Variants in ATP2B1 observed in about 807,000 individuals in gnomAD.
ATP2B1 encodes the protein ATPase plasma membrane Ca2+ transporting 1, also known as plasma membrane calcium-transporting ATPase 1.
ATP2B1 carries 14 observed loss-of-function variants against 124.2 expected under a neutral mutation model. That is an observed-to-expected ratio of 0.11 (90% CI 0.07 to 0.18). ATP2B1 has a LOEUF of 0.18. Among genes scored for constraint, ATP2B1 ranks in the 10% least tolerant of loss-of-function variants. The pLI is 1.00. For synonymous variants in ATP2B1, 449 were observed against 492.4 expected, an observed-to-expected ratio of 0.91 and a Z score of 1.17; for missense variants, 763 against 1,466.1, an observed-to-expected ratio of 0.52 and a Z score of 7.83.
At position 89,616,834 on chromosome 12, in the gene ATP2B1, C is replaced by G; in HGVS notation, c.2035G>C (p.Val679Leu). ...DIVTGLTCIA[V>L]VGIEDPVRPE... is the part of the protein sequence containing the mutation. Reference sequence around the variant, plus strand: ...CTCACAGGATCTTCAATCCCCACAACAGCAATGCATGTAAGGCCGGTGACA... The same window carrying G: ...CTCACAGGATCTTCAATCCCCACAAGAGCAATGCATGTAAGGCCGGTGACA... The change falls in exon 12 of 21, where the codon GTT becomes CTT. Residue 679 changes from valine (V) to leucine (L), a missense_variant. By Grantham distance (32) the Val-to-Leu change is conservative. This residue lies in a region of ATP2B1 where 392 missense variants were observed against 776.6 expected (regional missense o/e 0.50). Coordinates refer to ENST00000428670, the MANE Select transcript of ATP2B1 (RefSeq NM_001366521.1). 6.2e-7 allele frequency: 1 copy of G among 1,614,002 alleles called. No individual in the cohort carries two copies. Among genetic ancestry groups the G allele is most frequent in the Non-Finnish European group, 8.5e-7 (1 of 1,179,886 alleles).
chr12:89,624,804 T>C (rs1277841585), intron 8 of ATP2B1, among the ~76,000 whole-genome samples: 1 of 152,166 alleles, frequency 6.6e-6, no homozygotes, highest in African/African-American at 2.4e-5. Context: ...GACCTCGAAT[T>C]AAATACTCAA....
intron 2 of ATP2B1, among the ~76,000 whole-genome samples, chr12:89,643,198 A>G (rs956846182): frequency 1.5e-4 from 23 of 150,696 alleles, no homozygotes; most frequent in Admixed American, 4.0e-4. Context: ...ATATATGTAT[A>G]TATGTGTGTA....
intron 20 of ATP2B1, 64 bp from the exon 21 acceptor site, chr12:89,591,359 T>C (rs1873526419): frequency 7.0e-7 from 1 of 1,435,460 alleles, no homozygotes; most frequent in East Asian, 2.3e-5. Flanking sequence ...AATGGTTCAT[T>C]TATGAGTTTG....
intron 3 of ATP2B1, among the ~76,000 whole-genome samples, chr12:89,637,154 C>T (rs1358109039): frequency 1.3e-5 from 2 of 152,124 alleles, no homozygotes; most frequent in Non-Finnish European, 2.9e-5. Context: ...TACTTTATAA[C>T]AGCATATAAA....
chr12:89,656,740 A>G (rs1048572553), intron 1 of ATP2B1, among the ~76,000 whole-genome samples: 1 of 152,192 alleles, frequency 6.6e-6, no homozygotes, highest in Non-Finnish European at 1.5e-5. Context: ...GATTTGTCAC[A>G]TGTTACCACC....
chr12:89,696,144 A>AT, intron 1 of ATP2B1, among the ~76,000 whole-genome samples: 1 of 152,234 alleles, frequency 6.6e-6, no homozygotes, highest in Non-Finnish European at 1.5e-5. Flanking sequence ...GAACAACAAA[A>AT]TATGAATTCT....
At chr12:89,611,876 A>T (rs1234385101) in intron 12 of ATP2B1, 5 of 152,278 alleles carry the variant, frequency 3.3e-5, no homozygotes, top group Admixed American at 6.6e-5. Context: ...TCCTGCCCCT[A>T]CCTCACTGTA....
chr12:89,621,926 T>A, intron 9 of ATP2B1, 135 bp from the exon 10 acceptor site: 1 of 962,462 alleles, frequency 1.0e-6, no homozygotes, highest in Non-Finnish European at 1.4e-6. Context: ...AAAGTACCAA[T>A]GTAATACTGA....
At position 89,664,537 on chromosome 12, in the gene ATP2B1, A is replaced by G. The variant is rs377387869; in HGVS notation, c.-221-8430T>C. ...AAAAACAATCCCTCTGAATTTACCAAAACCAGAACAAACTTAAAAGTTAAC... is the reference window on the plus strand; with the variant it reads ...AAAAACAATCCCTCTGAATTTACCAGAACCAGAACAAACTTAAAAGTTAAC... On this transcript the variant is annotated intron_variant, in intron 1 of 20. Coordinates refer to ENST00000428670, the MANE Select transcript of ATP2B1 (RefSeq NM_001366521.1). Among the ~76,000 whole-genome samples the G allele has an allele frequency of 3.0e-4, 46 of 152,352 alleles. No homozygotes were observed. The East Asian group carries it at 8.1e-3, about 27-fold the overall frequency.
chr12:89,645,958 T>C (rs1884383860), intron 2 of ATP2B1, among the ~76,000 whole-genome samples: 1 of 152,178 alleles, frequency 6.6e-6, no homozygotes, highest in African/African-American at 2.4e-5. Context: ...GTATAGATGA[T>C]GGTGCTTGTA....
At chr12:89,690,967 G>A (rs1370088809) in intron 1 of ATP2B1, among the ~76,000 whole-genome samples, 1 of 152,118 alleles carries the variant, frequency 6.6e-6, no homozygotes, top group African/African-American at 2.4e-5. Context: ...GGTAAATTAG[G>A]CAAGCACTTT....
chr12:89,621,811 AAAAC>A lies in ATP2B1; in HGVS notation c.1345-24_1345-21del, dbSNP rs749195586. 29 of 1,520,274 alleles carry A rather than the reference AAAAC, an allele frequency of 1.9e-5. No homozygotes were observed. In the Admixed American group the frequency reaches 6.5e-4, roughly 34 times the overall value. The allele number at this position is 1,520,274 out of a possible 1,614,324, so 94.2% of individuals were successfully genotyped here. On this transcript the variant is annotated intron_variant, in intron 9 of 20. Coordinates refer to ENST00000428670, the MANE Select transcript of ATP2B1 (RefSeq NM_001366521.1). ...CATTTTCTACAGTGACCAAAAAAAA[AAAAC>A]TAGTTAAGCTGCATATAAAACCAAT... is the stretch of plus-strand genomic sequence containing the variant.
chr12:89,629,682 T>C (rs965058515), intron 6 of ATP2B1, among the ~76,000 whole-genome samples: 1 of 152,234 alleles, frequency 6.6e-6, no homozygotes, highest in African/African-American at 2.4e-5. Flanking sequence ...AAAATATTCA[T>C]GTGAGAAACA....
rs1433458409 is a variant in ATP2B1, at chr12:89,603,131, C to T, written c.2972G>A (p.Arg991Gln). 6.2e-7 allele frequency: 1 copy of T among 1,613,794 alleles called. No homozygotes were observed. Among genetic ancestry groups the T allele is most frequent in the Non-Finnish European group, 8.5e-7 (1 of 1,179,876 alleles). ...LMQLFNEINARKIHGERNVFE... is the reference protein window; with the variant it reads ...LMQLFNEINAQKIHGERNVFE... ...TACATTTCTTTCACCATGAATTTTC[C>T]GGGCATTTATTTCGTTGAAAAGTTG... Residue 991 changes from arginine (R) to glutamine (Q), a missense_variant, in exon 18 of 21, where the codon CGG becomes CAG. Coordinates refer to ENST00000428670, the MANE Select transcript of ATP2B1 (RefSeq NM_001366521.1). This position sits in a 1 kb window ranked among gnomAD's most constrained non-coding sequence, Gnocchi z 4.3.
chr12:89,679,594 G>T (rs1452291140), intron 1 of ATP2B1, among the ~76,000 whole-genome samples: 1 of 152,114 alleles, frequency 6.6e-6, no homozygotes, highest in East Asian at 1.9e-4. Flanking sequence ...AGCAAGTGGA[G>T]TACCACAAAC....
chr12:89,647,118 T>C (rs1331955749), intron 2 of ATP2B1, among the ~76,000 whole-genome samples: 2 of 152,322 alleles, frequency 1.3e-5, no homozygotes, highest in African/African-American at 4.8e-5. Context: ...AATAATGATA[T>C]CAAATTACTA....
chr12:89,595,389 G>A (rs1874384379), intron 20 of ATP2B1, among the ~76,000 whole-genome samples: 1 of 151,926 alleles, frequency 6.6e-6, no homozygotes. Flanking sequence ...AAAAACTGGT[G>A]TTAGAATGAT....
chr12:89,597,822 AATT>A (rs1250538075), intron 20 of ATP2B1, among the ~76,000 whole-genome samples: 3 of 152,174 alleles, frequency 2.0e-5, no homozygotes, highest in East Asian at 3.9e-4. Context: ...TATTTTAGTC[AATT>A]ATTGAAAATT....
chr12:89,679,506 C>T (rs982710708), intron 1 of ATP2B1, among the ~76,000 whole-genome samples: 11 of 152,150 alleles, frequency 7.2e-5, no homozygotes, highest in Non-Finnish European at 1.6e-4. Context: ...GTAGCCTGAT[C>T]CCAATCTCTC....
Sources: allele counts gnomAD v4.1 joint callset (sites outside exome capture counted in the v4.1 genomes callset), GRCh38; gene constraint gnomAD v4.1.1; regional missense constraint gnomAD v4.1.1; non-coding constraint Gnocchi (gnomAD v3.1); transcripts MANE v1.5; gene names NCBI Gene and HGNC (gene_info 2026-07-23, HGNC 2026-07-21).